The following ZNF112 variants were observed in gnomAD, a reference collection of about 807,000 sequenced individuals.
ZNF112 encodes zinc finger protein 112.
A neutral mutation model predicts 77.7 loss-of-function variants in ZNF112; 37 were observed. The observed-to-expected ratio is 0.48, with a 90% CI of 0.37 to 0.63. ZNF112 has a LOEUF of 0.63. Among genes scored for constraint, ZNF112 ranks in the 20% least tolerant of loss-of-function variants. ZNF112 has a pLI of 0.00. For missense variants in ZNF112, 950 were observed against 1,077.4 expected, an observed-to-expected ratio of 0.88 and a Z score of 1.66; for synonymous variants, 333 against 363.6, an observed-to-expected ratio of 0.92 and a Z score of 0.96.
At chr19:44,364,407 G>A (rs756481624) in intron 1 of ZNF112, among the ~76,000 whole-genome samples, 16 of 152,092 alleles carry the variant, frequency 1.1e-4, no homozygotes, top group Non-Finnish European at 2.1e-4. Flanking sequence ...CTTTAATATT[G>A]TATTGTACAA....
chr19:44,329,747 A>G lies in ZNF112; in HGVS notation c.410T>C (p.Val137Ala). 6.2e-7 allele frequency: 1 copy of G among 1,614,032 alleles called. No homozygotes were observed. The highest frequency in any genetic ancestry group is 8.5e-7 in the Non-Finnish European group (1 of 1,179,990). ...LQEQGNSLGQ[V>A]WAGIPVQISE... is the part of the protein sequence containing the mutation. ...AATCTGAACTGGTATTCCTGCCCAA[A>G]CCTGGCCGAGGGAATTACCTTGTTC... Residue 137 changes from valine to alanine, a missense_variant, in exon 4 of 4, where the codon GTT becomes GCT. By Grantham distance (64) the Val-to-Ala change is moderately conservative. Transcript: ENST00000354340.
chr19:44,344,138 A>T (rs1970544116), intron 1 of ZNF112, among the ~76,000 whole-genome samples: 1 of 152,182 alleles, frequency 6.6e-6, no homozygotes, highest in African/African-American at 2.4e-5. Flanking sequence ...TTCTCATGTT[A>T]AACAAAAATG....
At chr19:44,340,286 G>T in intron 2 of ZNF112, 130 bp downstream of exon 2, 1 of 1,251,686 alleles carries the variant, frequency 8.0e-7, no homozygotes, top group Non-Finnish European at 1.1e-6. Context: ...TGTGTTGCAC[G>T]GGGATTATTA....
intron 1 of ZNF112, among the ~76,000 whole-genome samples, chr19:44,344,312 TTTG>T (rs1970546432): frequency 5.6e-5 from 5 of 90,048 alleles, no homozygotes; most frequent in African/African-American, 1.8e-4. Context: ...TTCCTCAAGG[TTTG>T]TTACTTTACT....
Position 44,342,073 on chromosome 19 carries a change from G to A in ZNF112, c.-3-1531C>T, listed in dbSNP as rs141163119. 2.1e-3 allele frequency among the ~76,000 whole-genome samples: 320 copies of A among 152,294 alleles called. 2 individuals carry two copies. The highest frequency in any genetic ancestry group is 7.4e-3 in the African/African-American group (306 of 41,548). On this transcript the variant is annotated intron_variant, in intron 1 of 3. Coordinates refer to ENST00000354340, the MANE Select transcript of ZNF112 (RefSeq NM_013380.4). ...ACAGTCATCTGGGGCCATGAATAGT[G>A]TGACAGATGCAAAGTGCCTATATAT... is the stretch of plus-strand genomic sequence containing the variant.
At chr19:44,351,752 G>A (rs1296315921) in intron 1 of ZNF112, among the ~76,000 whole-genome samples, 1 of 151,894 alleles carries the variant, frequency 6.6e-6, no homozygotes, top group Non-Finnish European at 1.5e-5. Flanking sequence ...GCGGTTCTTT[G>A]CAAAGATTAG....
chr19:44,353,058 A>C (rs1170565219), intron 1 of ZNF112, among the ~76,000 whole-genome samples: 1 of 152,134 alleles, frequency 6.6e-6, no homozygotes, highest in Admixed American at 6.6e-5. Flanking sequence ...AATTTGGAAG[A>C]ATCAAACTAT....
At chr19:44,357,030 C>T (rs1004269150), upstream of ZNF112, among the ~76,000 whole-genome samples, 14 of 152,148 alleles carry the variant, frequency 9.2e-5, no homozygotes, top group Admixed American at 3.9e-4. Flanking sequence ...TGTCTCTGAC[C>T]CTGTGGATCT....
chr19:44,351,047 GCTGGTTGCTTCTCATAGGAATCCATTTC>G (rs1033073304), intron 1 of ZNF112, among the ~76,000 whole-genome samples: 46 of 152,042 alleles, frequency 3.0e-4, no homozygotes, highest in African/African-American at 1.0e-3. Context: ...TGTCAGCAGG[GCTGGTTGCTTCTCATAGGAATCCATTTC>G]CTTGCCTTTT....
chr19:44,339,919 AT>A lies in ZNF112; in HGVS notation c.124+496del, dbSNP rs560076084. Among the ~76,000 whole-genome samples the A allele has an allele frequency of 1.4e-3, 212 of 152,230 alleles. 1 individual carries two copies. Among genetic ancestry groups the A allele is most frequent in the African/African-American group, 4.9e-3 (205 of 41,530 alleles). ...AGAAAAAGATATTATGACTATATAT[AT>A]TTTTTCATATACATACATAAGTATG... On this transcript the variant is annotated intron_variant, in intron 2 of 3. Transcript: ENST00000354340.
chr19:44,327,928 A>G lies in ZNF112; in HGVS notation c.2229T>C (p.Tyr743=), dbSNP rs372187831. 2.5e-6 allele frequency: 4 copies of G among 1,608,852 alleles called. No individual in the cohort carries two copies. The African/African-American group carries it at 4.1e-5, about 16-fold the overall frequency. ...AGCCCTTCCCACACATCTCACATTT[A>G]TACGGTTTCACTCTAGTGTGGACTC... The part of the protein sequence containing the change: ...HQRVHTRVKP[Y]KCEMCGKGFS... Residue 743 remains tyrosine, a synonymous_variant, in exon 4 of 4, where the codon TAT becomes TAC. Coordinates refer to ENST00000354340, the MANE Select transcript of ZNF112 (RefSeq NM_013380.4).
Position 44,328,723 on chromosome 19 carries a change from T to C in ZNF112, c.1434A>G (p.Leu478=), listed in dbSNP as rs1275826117. The change falls in exon 4 of 4, where the codon TTA becomes TTG. Residue 478 remains leucine (L), a synonymous_variant. Coordinates refer to ENST00000354340, the MANE Select transcript of ZNF112 (RefSeq NM_013380.4). ...GAATTTTTGGATGACCTTGAAGATA[T>C]AAATTATGGCTGAAGCTGTTACTAC... ...YVCSNSFSHN[L]YLQGHPKIHI... 8.1e-6 allele frequency: 13 copies of C among 1,614,044 alleles called. No individual in the cohort carries two copies. The highest frequency in any genetic ancestry group is 1.1e-5 in the Non-Finnish European group (13 of 1,179,948).
intron 2 of ZNF112, among the ~76,000 whole-genome samples, chr19:44,337,840 T>C (rs2722732): frequency 8.4e-5 from 4 of 47,414 alleles, no homozygotes; most frequent in Admixed American, 3.9e-4. Context: ...TACATACACA[T>C]ACACACACAC....
At chr19:44,338,409 G>A (rs940233575) in intron 2 of ZNF112, among the ~76,000 whole-genome samples, 1 of 152,116 alleles carries the variant, frequency 6.6e-6, no homozygotes, top group African/African-American at 2.4e-5. Flanking sequence ...TTACAAATGG[G>A]GAAAAAAGCA....
At position 44,328,015 on chromosome 19, in the gene ZNF112, T is replaced by C. The variant is rs752893202; in HGVS notation, c.2142A>G (p.Pro714=). ...SHQSVHSGER[P]YICEVCGKGF... Reference sequence around the variant, plus strand: ...CCTTTCCACATACCTCACATATATATGGTCTTTCTCCAGAATGGACACTCT... The same window carrying C: ...CCTTTCCACATACCTCACATATATACGGTCTTTCTCCAGAATGGACACTCT... Residue 714 remains proline (P), a synonymous_variant, in exon 4 of 4, where the codon CCA becomes CCG. Coordinates refer to ENST00000354340, the MANE Select transcript of ZNF112 (RefSeq NM_013380.4). 63 of 1,613,856 alleles carry C rather than the reference T, an allele frequency of 3.9e-5. No homozygotes were observed. The highest frequency in any genetic ancestry group is 5.3e-5 in the Non-Finnish European group (62 of 1,179,928).
intron 3 of ZNF112, among the ~76,000 whole-genome samples, chr19:44,332,135 A>G (rs1410682877): frequency 6.6e-6 from 1 of 152,120 alleles, no homozygotes; most frequent in East Asian, 1.9e-4. Flanking sequence ...TATTAATATA[A>G]TTGCACCTGT....
Position 44,327,417 on chromosome 19 carries a change from C to T in ZNF112, c.*16G>A, listed in dbSNP as rs112830799. 1 of 1,544,598 alleles carries T rather than the reference C, an allele frequency of 6.5e-7. No homozygotes were observed. Among genetic ancestry groups the T allele is most frequent in the Non-Finnish European group, 8.7e-7 (1 of 1,147,540 alleles). ...AACTCTAGTGACTGGAAAATTTCAG[C>T]TCCCATTTGAGGACTTCAAAACAAA... On this transcript the variant is annotated 3_prime_UTR_variant, in exon 4 of 4. Transcript: ENST00000354340.
upstream of ZNF112, among the ~76,000 whole-genome samples, chr19:44,360,011 C>T (rs1488799479): frequency 1.3e-5 from 2 of 151,690 alleles, no homozygotes; most frequent in African/African-American, 4.8e-5. Context: ...AATCCCAGCA[C>T]TTTGTGGGGC....
At chr19:44,338,827 C>G (rs1305836548) in intron 2 of ZNF112, among the ~76,000 whole-genome samples, 1 of 152,146 alleles carries the variant, frequency 6.6e-6, no homozygotes, top group Non-Finnish European at 1.5e-5. Context: ...CTTTGGGAGG[C>G]TGAGGCAGGT....
Sources: allele counts gnomAD v4.1 joint callset (sites outside exome capture counted in the v4.1 genomes callset), GRCh38; gene constraint gnomAD v4.1.1; transcripts MANE v1.5; gene names NCBI Gene and HGNC (gene_info 2026-07-23, HGNC 2026-07-21).